PLEKHA5: variants seen among roughly 807,000 people sequenced by gnomAD.
PLEKHA5 encodes the protein pleckstrin homology domain containing A5, also known as pleckstrin homology domain-containing family A member 5.
In PLEKHA5, 55 loss-of-function variants were observed where a neutral mutation model predicts 181.9. That is an observed-to-expected ratio of 0.30 (90% CI 0.24 to 0.38). The LOEUF (loss-of-function observed/expected upper bound fraction) is 0.38. PLEKHA5 is among the 10% of genes least tolerant of loss of function. PLEKHA5 has a pLI of 1.00. For missense variants in PLEKHA5, 1,432 were observed against 1,549.5 expected (o/e 0.92, Z 1.27); for synonymous variants, 535 against 529.4 (o/e 1.01, Z -0.15).
chr12:19,137,145 G>A (rs368371336), intron 3 of PLEKHA5, among the ~76,000 whole-genome samples: 13 of 151,914 alleles, frequency 8.6e-5, no homozygotes, highest in East Asian at 7.8e-4. Context: ...CAGTTCTCCT[G>A]CCTCAGTCTC....
intron 3 of PLEKHA5, among the ~76,000 whole-genome samples, chr12:19,134,624 A>G (rs1392758787): frequency 1.3e-5 from 2 of 152,130 alleles, no homozygotes; most frequent in Non-Finnish European, 2.9e-5. Flanking sequence ...GAAACTTTTT[A>G]CTTGTTTGTA....
intron 16 of PLEKHA5, among the ~76,000 whole-genome samples, chr12:19,318,778 C>G (rs990596832): frequency 3.3e-5 from 5 of 152,000 alleles, no homozygotes; most frequent in African/African-American, 9.7e-5. Flanking sequence ...CAAAAATCAG[C>G]CAGGCATGAT....
chr12:19,285,559 T>C (rs2077041152), intron 12 of PLEKHA5, among the ~76,000 whole-genome samples: 1 of 152,236 alleles, frequency 6.6e-6, no homozygotes. Context: ...TTTATGATCA[T>C]AATAAGGCAT....
chr12:19,290,864 A>C (rs1331151658), intron 14 of PLEKHA5, 68 bp downstream of exon 14: 1 of 1,396,498 alleles, frequency 7.2e-7, no homozygotes, highest in East Asian at 2.5e-5. Context: ...TCATCAGTCA[A>C]TATGATCAGC....
chr12:19,196,663 T>G (rs2052822358), intron 3 of PLEKHA5, among the ~76,000 whole-genome samples: 2 of 152,162 alleles, frequency 1.3e-5, no homozygotes, highest in Non-Finnish European at 2.9e-5. Flanking sequence ...TAGTAAAACC[T>G]CTGTGACAAT....
At chr12:19,268,688 T>C (rs2071418332) in intron 8 of PLEKHA5, among the ~76,000 whole-genome samples, 1 of 152,154 alleles carries the variant, frequency 6.6e-6, no homozygotes, top group Non-Finnish European at 1.5e-5. Context: ...ATGGCGAGCA[T>C]GGTGGGGATT....
intron 25 of PLEKHA5, among the ~76,000 whole-genome samples, chr12:19,348,910 C>T (rs972938682): frequency 4.9e-4 from 74 of 151,976 alleles, no homozygotes; most frequent in African/African-American, 8.0e-4. Flanking sequence ...TGCAGTGAGC[C>T]GAGATCGCAC....
intron 31 of PLEKHA5, 111 bp from the exon 32 acceptor site, chr12:19,375,420 G>A (rs1326332580): frequency 1.3e-5 from 2 of 152,202 alleles, no homozygotes; most frequent in Non-Finnish European, 2.9e-5. Context: ...GATTTTCATG[G>A]CCATGCTTGT....
At chr12:19,231,175 C>CTGTT (rs2060481159) in intron 3 of PLEKHA5, among the ~76,000 whole-genome samples, 1 of 151,920 alleles carries the variant, frequency 6.6e-6, no homozygotes, top group Non-Finnish European at 1.5e-5. Flanking sequence ...TCTTTGAGGC[C>CTGTT]TGTTTTTTTG....
intron 3 of PLEKHA5, among the ~76,000 whole-genome samples, chr12:19,252,098 A>G (rs548637294): frequency 2.0e-5 from 3 of 151,848 alleles, no homozygotes; most frequent in Non-Finnish European, 4.4e-5. Context: ...TACAATAGTC[A>G]ATATGGAATT....
At chr12:19,367,641 G>A (rs189423817) in intron 30 of PLEKHA5, among the ~76,000 whole-genome samples, 213 of 151,570 alleles carry the variant, frequency 1.4e-3, no homozygotes, top group Middle Eastern at 3.4e-3. Context: ...GTGCAGTGGC[G>A]CGATCTCCAC....
Position 19,236,872 on chromosome 12 carries a change from G to A in PLEKHA5, c.228-17068G>A, listed in dbSNP as rs1258092445. On this transcript the variant is annotated intron_variant, in intron 3 of 31. Coordinates refer to ENST00000429027, the MANE Select transcript of PLEKHA5 (RefSeq NM_001256470.2). ...CAGTCTGGTGTCAGACTTCCAGAGT[G>A]GCAGGCCAGCCTCACAACCACAGTG... 2.0e-5 allele frequency: 3 copies of A among 152,300 alleles called. No individual in the cohort carries two copies. In the East Asian group the frequency reaches 5.8e-4, roughly 29 times the overall value. 9.4% of individuals were successfully genotyped at this position (152,300 alleles called of 1,614,324 possible).
intron 22 of PLEKHA5, among the ~76,000 whole-genome samples, chr12:19,345,038 C>T: frequency 6.6e-6 from 1 of 151,876 alleles, no homozygotes; most frequent in East Asian, 1.9e-4. Context: ...AAGAGAATCT[C>T]TTGAACCCGG....
At chr12:19,196,812 CTT>C (rs3056387) in intron 3 of PLEKHA5, among the ~76,000 whole-genome samples, 80,624 of 122,408 alleles carry the variant, frequency 0.66, 27,193 homozygotes, top group Non-Finnish European at 0.8. Context: ...TTTTTTTTTT[CTT>C]TTTTTTTTTT....
intron 6 of PLEKHA5, among the ~76,000 whole-genome samples, chr12:19,258,846 T>A (rs1308198634): frequency 6.6e-6 from 1 of 151,792 alleles, no homozygotes; most frequent in Non-Finnish European, 1.5e-5. Context: ...ATTACAGGCG[T>A]GAGCCACCAC....
Position 19,255,079 on chromosome 12 carries a change from G to A in PLEKHA5, c.346G>A (p.Glu116Lys), listed in dbSNP as rs1412340293. 2.5e-6 allele frequency: 4 copies of A among 1,609,468 alleles called. No individual in the cohort carries two copies. Among genetic ancestry groups the A allele is most frequent in the Non-Finnish European group, 3.4e-6 (4 of 1,176,818 alleles). ...VATMTSEEKK[E>K]RPISMINEAS... is the part of the protein sequence containing the mutation. ...AACCATGACATCTGAAGAAAAGAAG[G>A]AACGGCCAATAAGTATGATAAATGA... The change falls in exon 5 of 32, where the codon GAA becomes AAA. Residue 116 changes from glutamate to lysine, a missense_variant. Transcript: ENST00000429027.
intron 3 of PLEKHA5, among the ~76,000 whole-genome samples, chr12:19,171,901 T>G (rs2045979462): frequency 6.6e-6 from 1 of 152,180 alleles, no homozygotes; most frequent in African/African-American, 2.4e-5. Context: ...TATCACTGTA[T>G]TCTACCACCA....
In PLEKHA5 at chr12:19,130,172, G is replaced by T. The variant is rs1181696846; in HGVS notation, c.169+42G>T. On this transcript the variant is annotated intron_variant, in intron 2 of 31. Coordinates refer to ENST00000429027, the MANE Select transcript of PLEKHA5 (RefSeq NM_001256470.2). This position sits in a 1 kb window ranked among gnomAD's most constrained non-coding sequence, Gnocchi z 4.5. The stretch of plus-strand genomic sequence containing the variant: ...ACGGAGTTGGGCTCCGCCTGGAGGA[G>T]GCGGCAGAGCCCGGGCCGCCCGGCT... 1 of 1,368,592 alleles carries T rather than the reference G, an allele frequency of 7.3e-7. No homozygotes were observed. Among genetic ancestry groups the T allele is most frequent in the Non-Finnish European group, 9.9e-7 (1 of 1,009,508 alleles). The allele number at this position is 1,368,592 out of a possible 1,614,324, so 84.8% of individuals were successfully genotyped here.
At position 19,257,540 on chromosome 12, in the gene PLEKHA5, A is replaced by AT. The variant is rs10706958; in HGVS notation, c.537+16dup. 42,240 of 1,147,236 alleles carry AT rather than the reference A, an allele frequency of 0.037. 9 individuals are homozygous for AT. The highest frequency in any genetic ancestry group is 0.049 in the East Asian group (1,702 of 34,468). The allele number at this position is 1,147,236 out of a possible 1,614,324, so 71.1% of individuals were successfully genotyped here. ...GACGAGGTTGGCTTTATAAACAGGTATTTTTTTTTTTTTGATATGAAACAA... is the reference window on the plus strand; with the variant it reads ...GACGAGGTTGGCTTTATAAACAGGTATTTTTTTTTTTTTTGATATGAAACAA... On this transcript the variant is annotated splice_donor_region_variant and intron_variant, in intron 6 of 31. Coordinates refer to ENST00000429027, the MANE Select transcript of PLEKHA5 (RefSeq NM_001256470.2).
Sources: gnomAD v4.1 joint callset for allele counts (sites outside exome capture counted in the v4.1 genomes callset) on GRCh38, gnomAD v4.1.1 for gene constraint, Gnocchi (gnomAD v3.1) non-coding constraint, MANE v1.5 for transcripts, NCBI Gene and HGNC (gene_info 2026-07-23, HGNC 2026-07-21) for gene names.